CTCF: variants seen among roughly 807,000 people sequenced by gnomAD.
CTCF encodes transcriptional repressor CTCF.
CTCF carries 7 observed loss-of-function variants against 72.3 expected under a neutral mutation model. That is an observed-to-expected ratio of 0.10 (90% confidence interval 0.06 to 0.18). The LOEUF (loss-of-function observed/expected upper bound fraction) is 0.18. Ranked by LOEUF, CTCF falls within the 10% of genes least tolerant of loss-of-function variation. CTCF has a pLI of 1.00. For synonymous variants in CTCF, 374 were observed against 315.8 expected (o/e 1.18, Z -1.95); for missense variants, 516 against 949.1 (o/e 0.54, Z 6.00).
chr16:67,566,901 G>A (rs2051350185), intron 1 of CTCF, among the ~76,000 whole-genome samples: 1 of 149,808 alleles, frequency 6.7e-6, no homozygotes, highest in African/African-American at 2.5e-5. Flanking sequence ...TTTAAGACAG[G>A]GTCTTTCTCT....
At chr16:67,590,890 G>A (rs1289121828) in intron 2 of CTCF, among the ~76,000 whole-genome samples, 2 of 150,744 alleles carry the variant, frequency 1.3e-5, no homozygotes, top group Non-Finnish European at 3.0e-5. Context: ...GAACCCGGGA[G>A]GTGGAGGTTG....
At chr16:67,613,075 A>C (rs1689755536) in intron 4 of CTCF, among the ~76,000 whole-genome samples, 1 of 152,240 alleles carries the variant, frequency 6.6e-6, no homozygotes, top group Non-Finnish European at 1.5e-5. Flanking sequence ...TTTAGTGTTC[A>C]GATATTCTGA....
chr16:67,571,009 G>T (rs2051411808), intron 1 of CTCF, 139 bp from the exon 2 acceptor site: 1 of 152,116 alleles, frequency 6.6e-6, no homozygotes, highest in Non-Finnish European at 1.5e-5. Flanking sequence ...GAATGGCTCG[G>T]TTAGTGACAT....
At chr16:67,617,358 G>A (rs1470576907) in intron 5 of CTCF, among the ~76,000 whole-genome samples, 1 of 152,106 alleles carries the variant, frequency 6.6e-6, no homozygotes, top group African/African-American at 2.4e-5. Flanking sequence ...AATTAGCTGG[G>A]TGTGGTGGCA....
chr16:67,563,199 G>A (rs1036763210), intron 1 of CTCF: 3 of 152,138 alleles, frequency 2.0e-5, no homozygotes, highest in Non-Finnish European at 2.9e-5. Flanking sequence ...CTGCCGCCGC[G>A]CGCTAAGCCA....
rs2052332753 is a variant in CTCF at position 67,629,378 on chromosome 16, G to C, written c.1702-20G>C. On this transcript the variant is annotated intron_variant, in intron 9 of 11. Coordinates refer to ENST00000264010, the MANE Select transcript of CTCF (RefSeq NM_006565.4). ...TAGCTTTTTTAGTGGTGTGAAAGAG[G>C]ATTTTGTTCTTTTTGTTAGAATACC... The C allele has an allele frequency of 6.3e-7, 1 of 1,588,154 alleles. No homozygotes were observed. Among genetic ancestry groups the C allele is most frequent in the African/African-American group, 1.4e-5 (1 of 73,380 alleles).
At chr16:67,615,420 A>C (rs2052119726) in intron 4 of CTCF, 1 of 152,328 alleles carries the variant, frequency 6.6e-6, no homozygotes, top group African/African-American at 2.4e-5. Flanking sequence ...GTTTGAGACA[A>C]GCCTGGGCAA....
intron 2 of CTCF, among the ~76,000 whole-genome samples, chr16:67,590,617 G>T (rs7189285): frequency 6.6e-6 from 1 of 151,558 alleles, no homozygotes; most frequent in African/African-American, 2.4e-5. Flanking sequence ...GATTACAGGC[G>T]TGAGCCACCG....
intron 2 of CTCF, among the ~76,000 whole-genome samples, chr16:67,585,335 C>A (rs187192316): frequency 6.6e-6 from 1 of 152,334 alleles, no homozygotes; most frequent in African/African-American, 2.4e-5. Flanking sequence ...CAGGCGTGAG[C>A]CACCGTGCCC....
At chr16:67,583,838 T>C (rs1322556877) in intron 2 of CTCF, among the ~76,000 whole-genome samples, 2 of 152,172 alleles carry the variant, frequency 1.3e-5, no homozygotes, top group African/African-American at 4.8e-5. Flanking sequence ...TGGTAAGTTG[T>C]ATTTTATGTT....
chr16:67,636,970 G>C, intron 11 of CTCF, 119 bp downstream of exon 11: 1 of 936,920 alleles, frequency 1.1e-6, no homozygotes, highest in Non-Finnish European at 1.5e-6. Context: ...TTAAGGGCAT[G>C]TCGAGAACAA....
At chr16:67,606,167 C>G (rs958666367) in intron 2 of CTCF, among the ~76,000 whole-genome samples, 1 of 152,070 alleles carries the variant, frequency 6.6e-6, no homozygotes, top group African/African-American at 2.4e-5. Context: ...GTCTTACTAC[C>G]CTCTCCTCTG....
At chr16:67,619,117 T>C (rs137989499) in intron 5 of CTCF, among the ~76,000 whole-genome samples, 14 of 152,342 alleles carry the variant, frequency 9.2e-5, no homozygotes, top group East Asian at 1.9e-4. Flanking sequence ...TATCGACTTA[T>C]GTGTGTGAAA....
At chr16:67,612,899 C>A (rs562408815) in intron 4 of CTCF, among the ~76,000 whole-genome samples, 1 of 152,294 alleles carries the variant, frequency 6.6e-6, no homozygotes, top group South Asian at 2.1e-4. Flanking sequence ...GATAGTGCTA[C>A]TGCACTCCAG....
chr16:67,567,287 G>T (rs1479811611), intron 1 of CTCF, among the ~76,000 whole-genome samples: 1 of 152,176 alleles, frequency 6.6e-6, no homozygotes, highest in Non-Finnish European at 1.5e-5. Flanking sequence ...CAAAGGTGAG[G>T]GTTAGGATGG....
chr16:67,601,711 C>T (rs993185140), intron 2 of CTCF, among the ~76,000 whole-genome samples: 2 of 151,920 alleles, frequency 1.3e-5, no homozygotes, highest in Admixed American at 6.6e-5. Flanking sequence ...GGACTTTATG[C>T]CATGTGTTTT....
intron 2 of CTCF, among the ~76,000 whole-genome samples, chr16:67,596,865 G>A (rs777550109): frequency 2.0e-5 from 3 of 152,142 alleles, no homozygotes; most frequent in African/African-American, 4.8e-5. Flanking sequence ...GGGATTACAG[G>A]TGTGAGCCAC....
intron 2 of CTCF, 124 bp from the exon 3 acceptor site, chr16:67,610,700 T>G: frequency 1.5e-6 from 1 of 661,276 alleles, no homozygotes; most frequent in Admixed American, 3.5e-5. Context: ...TGTTGTGTCT[T>G]TTTTAATATT....
At chr16:67,636,938 G>A in intron 11 of CTCF, 87 bp downstream of exon 11, 1 of 1,232,294 alleles carries the variant, frequency 8.1e-7, no homozygotes, top group Non-Finnish European at 1.1e-6. Context: ...TGGGGATGTG[G>A]GAACTAAGCC....
Sources: allele counts gnomAD v4.1 joint callset (sites outside exome capture counted in the v4.1 genomes callset), GRCh38; gene constraint gnomAD v4.1.1; transcripts MANE v1.5; gene names NCBI Gene and HGNC (gene_info 2026-07-23, HGNC 2026-07-21).